The following NPAS3 variants were observed in gnomAD, a reference collection of about 807,000 sequenced individuals.
The protein encoded by NPAS3 is neuronal PAS domain protein 3, also known as neuronal PAS domain-containing protein 3.
In NPAS3, 14 loss-of-function variants were observed where a neutral mutation model predicts 73.1. That is an observed-to-expected ratio of 0.19 (90% CI 0.13 to 0.30). The LOEUF (loss-of-function observed/expected upper bound fraction) is 0.30. Among genes scored for constraint, NPAS3 ranks in the 10% least tolerant of loss-of-function variants. The probability of loss-of-function intolerance (pLI) is 1.00; values close to 1 mark genes in which losing one functional copy is unlikely to be tolerated. For missense variants in NPAS3, 1,096 were observed against 1,250.0 expected (o/e 0.88, Z 1.86); for synonymous variants, 620 against 541.5 (o/e 1.14, Z -2.01).
chr14:33,197,522 C>T (rs563995267), intron 2 of NPAS3, among the ~76,000 whole-genome samples: 2 of 149,164 alleles, frequency 1.3e-5, no homozygotes, highest in East Asian at 2.0e-4. Context: ...AGCATATTGT[C>T]AGAAAAAAAA....
intron 3 of NPAS3, among the ~76,000 whole-genome samples, chr14:33,332,327 A>G (rs541078643): frequency 6.6e-6 from 1 of 152,318 alleles, no homozygotes; most frequent in East Asian, 1.9e-4. Context: ...CCGTATTTCT[A>G]AAAAATTCAG....
chr14:33,296,186 C>G (rs1341233237), intron 3 of NPAS3, among the ~76,000 whole-genome samples: 4 of 152,112 alleles, frequency 2.6e-5, no homozygotes, highest in South Asian at 4.1e-4. Context: ...TTCCTTCTGC[C>G]ATGTAAAGAA....
At chr14:33,079,653 G>T (rs1390487083) in intron 2 of NPAS3, among the ~76,000 whole-genome samples, 1 of 105,248 alleles carries the variant, frequency 9.5e-6, no homozygotes, top group Non-Finnish European at 1.7e-5. Context: ...GCTCTGTCAT[G>T]CAGGCTGGAG....
intron 7 of NPAS3, among the ~76,000 whole-genome samples, chr14:33,758,703 G>A (rs936734708): frequency 1.3e-5 from 2 of 152,016 alleles, no homozygotes; most frequent in African/African-American, 4.8e-5. Context: ...TAAGATGCAG[G>A]GTAGTTCTAC....
At chr14:33,226,221 A>G (rs1295199061) in intron 3 of NPAS3, among the ~76,000 whole-genome samples, 1 of 152,216 alleles carries the variant, frequency 6.6e-6, no homozygotes, top group Non-Finnish European at 1.5e-5. Context: ...GCATGATCTT[A>G]ATGAAGAGAA....
rs555594860 is a variant in NPAS3 at position 33,416,777 on chromosome 14, G to A, written c.468+49509G>A. Among the ~76,000 whole-genome samples the A allele has an allele frequency of 3.9e-5, 6 of 152,038 alleles. No homozygotes were observed. The East Asian group carries it at 9.7e-4, about 24-fold the overall frequency. ...AAAGATGAAAAAAATGAAACCGATTGTTTATTTCTACAACTTATGCTTTCT... is the reference window on the plus strand; with the variant it reads ...AAAGATGAAAAAAATGAAACCGATTATTTATTTCTACAACTTATGCTTTCT... On this transcript the variant is annotated intron_variant, in intron 4 of 11. Transcript: ENST00000356141.
intron 4 of NPAS3, among the ~76,000 whole-genome samples, chr14:33,538,316 T>A (rs1053007275): frequency 3.9e-5 from 6 of 152,210 alleles, no homozygotes; most frequent in Admixed American, 2.6e-4. Context: ...CAAAAGAACC[T>A]TGAGAAGTTC....
chr14:33,238,633 C>T (rs1157937619), intron 3 of NPAS3, among the ~76,000 whole-genome samples: 1 of 151,930 alleles, frequency 6.6e-6, no homozygotes, highest in Non-Finnish European at 1.5e-5. Context: ...ACGATACTGT[C>T]TGTAGATGTC....
chr14:33,090,442 A>G (rs2138803076), intron 2 of NPAS3, among the ~76,000 whole-genome samples: 1 of 152,370 alleles, frequency 6.6e-6, no homozygotes, highest in Non-Finnish European at 1.5e-5. Flanking sequence ...CAATGAGAAG[A>G]GCTAACTATC....
At chr14:33,151,901 C>T (rs572859490) in intron 2 of NPAS3, among the ~76,000 whole-genome samples, 1 of 152,258 alleles carries the variant, frequency 6.6e-6, no homozygotes, top group Non-Finnish European at 1.5e-5. Flanking sequence ...TGGTACCCTT[C>T]CAGAGACTGA....
Position 33,364,858 on chromosome 14 carries a change from A to G in NPAS3, c.386-2328A>G, listed in dbSNP as rs750444437. ...GCTTTATGTTGTTACTGGAGCTTGCATCTTGGGCCTCCTAAGTCAGTGAAC... is the reference window on the plus strand; with the variant it reads ...GCTTTATGTTGTTACTGGAGCTTGCGTCTTGGGCCTCCTAAGTCAGTGAAC... On this transcript the variant is annotated intron_variant, in intron 3 of 11. Coordinates refer to ENST00000356141, the Ensembl canonical transcript of NPAS3. Among the ~76,000 whole-genome samples the G allele has an allele frequency of 1.2e-4, 18 of 152,112 alleles. No homozygotes were observed. In the Middle Eastern group the frequency reaches 0.01, roughly 86 times the overall value.
chr14:33,554,100 G>A (rs561776979), intron 4 of NPAS3, among the ~76,000 whole-genome samples: 2 of 152,346 alleles, frequency 1.3e-5, no homozygotes, highest in East Asian at 3.8e-4. Context: ...TCACTCTCCA[G>A]CCAGGCTTCT....
chr14:33,364,753 G>A (rs2045760053), intron 3 of NPAS3, among the ~76,000 whole-genome samples: 1 of 152,080 alleles, frequency 6.6e-6, no homozygotes, highest in Non-Finnish European at 1.5e-5. Context: ...GCCATCAGTA[G>A]CCAGACTTGA....
rs910650896 is a variant in NPAS3 at position 33,582,379 on chromosome 14, C to T, written c.558+22169C>T. ...TTATGTTTCCTGAAGAGCACGTGCC[C>T]AGGAGGCTGATTTGTAGAGAAGCAA... On this transcript the variant is annotated intron_variant, in intron 5 of 11. Transcript: ENST00000356141. 2.0e-5 allele frequency among the ~76,000 whole-genome samples: 3 copies of T among 152,244 alleles called. No homozygotes were observed. In the East Asian group the frequency reaches 5.8e-4, roughly 29 times the overall value.
Position 33,193,930 on chromosome 14 carries a change from T to C in NPAS3, c.141-21252T>C, listed in dbSNP as rs76855037. 1.3e-3 allele frequency among the ~76,000 whole-genome samples: 191 copies of C among 152,304 alleles called. 2 individuals carry two copies. The East Asian group carries it at 0.03, about 24-fold the overall frequency. ...ATTTTGCAGTAATAGAAGAAGCCTT[T>C]ACAGTTGCAAGATTACATATTTATA... is the stretch of plus-strand genomic sequence containing the variant. On this transcript the variant is annotated intron_variant, in intron 2 of 11. Coordinates refer to ENST00000356141, the Ensembl canonical transcript of NPAS3.
intron 5 of NPAS3, among the ~76,000 whole-genome samples, chr14:33,563,537 C>CACACACACACAGAGAGAGAGAGAG: frequency 3.2e-4 from 38 of 119,698 alleles, no homozygotes; most frequent in Admixed American, 2.0e-3. Context: ...CACACACACA[C>CACACACACACAGAGAGAGAGAGAG]AGAGAGAGAG....
intron 4 of NPAS3, among the ~76,000 whole-genome samples, chr14:33,522,664 CT>C (rs1361019618): frequency 6.6e-6 from 1 of 152,000 alleles, no homozygotes; most frequent in Non-Finnish European, 1.5e-5. Context: ...TGTTAATTGT[CT>C]TTTATAGCAA....
intron 6 of NPAS3, 85 bp downstream of exon 6, chr14:33,676,470 ATAAATAGGTCTAAGGGTATT>A: frequency 8.7e-7 from 1 of 1,155,480 alleles, no homozygotes; most frequent in East Asian, 2.6e-5. Context: ...TGAAGAGACT[ATAAATAGGTCTAAGGGTATT>A]TAACAATTCC....
At chr14:33,120,118 G>T (rs932616975) in intron 2 of NPAS3, among the ~76,000 whole-genome samples, 1 of 151,992 alleles carries the variant, frequency 6.6e-6, no homozygotes, top group African/African-American at 2.4e-5. Context: ...CCGCCACCAG[G>T]CTGGGCTAAT....
Sources: gnomAD v4.1 joint callset for allele counts (sites outside exome capture counted in the v4.1 genomes callset) on GRCh38, gnomAD v4.1.1 for gene constraint, MANE v1.5 for transcripts, NCBI Gene and HGNC (gene_info 2026-07-23, HGNC 2026-07-21) for gene names.